LARP4: variants seen among roughly 807,000 people sequenced by gnomAD.
The protein encoded by LARP4 is La ribonucleoprotein 4.
LARP4 carries 29 observed loss-of-function variants against 92.9 expected under a neutral mutation model. The observed-to-expected ratio is 0.31, with a 90% confidence interval of 0.23 to 0.43. The LOEUF is 0.43. Ranked by LOEUF, LARP4 falls within the 20% of genes least tolerant of loss-of-function variation. The probability of loss-of-function intolerance (pLI) is 1.00; values close to 1 mark genes in which losing one functional copy is unlikely to be tolerated. For missense variants in LARP4, 732 were observed against 860.0 expected (o/e 0.85, Z 1.86); for synonymous variants, 279 against 284.1 (o/e 0.98, Z 0.18).
chr12:50,420,284 C>T (rs186787827), intron 1 of LARP4, among the ~76,000 whole-genome samples: 4 of 152,100 alleles, frequency 2.6e-5, no homozygotes, highest in East Asian at 3.9e-4. Context: ...ACTGGAAGAA[C>T]GATCGTAAGA....
chr12:50,426,676 A>G (rs927270498), intron 1 of LARP4, among the ~76,000 whole-genome samples: 3 of 110,044 alleles, frequency 2.7e-5, no homozygotes, highest in Non-Finnish European at 3.7e-5. Flanking sequence ...ACAGGGCATT[A>G]TGTTTGGGGT....
chr12:50,447,265 G>A (rs1952359762), intron 8 of LARP4, among the ~76,000 whole-genome samples: 1 of 152,124 alleles, frequency 6.6e-6, no homozygotes, highest in African/African-American at 2.4e-5. Flanking sequence ...AAAAAAGCTG[G>A]TACCAAGCAT....
intron 1 of LARP4, among the ~76,000 whole-genome samples, chr12:50,415,222 A>G (rs1444732715): frequency 6.6e-6 from 1 of 152,170 alleles, no homozygotes; most frequent in Non-Finnish European, 1.5e-5. Context: ...TAAATGAATG[A>G]ATAAAATAAA....
intron 1 of LARP4, among the ~76,000 whole-genome samples, chr12:50,423,066 C>G (rs760859537): frequency 6.6e-6 from 1 of 151,892 alleles, no homozygotes; most frequent in African/African-American, 2.4e-5. Context: ...GTGATCCACC[C>G]GCCTCAGCCT....
chr12:50,439,479 T>C (rs1041523244), intron 6 of LARP4, among the ~76,000 whole-genome samples: 4 of 152,174 alleles, frequency 2.6e-5, no homozygotes, highest in African/African-American at 9.7e-5. Context: ...CATAGTTCAT[T>C]GCAGCCTCAA....
intron 13 of LARP4, among the ~76,000 whole-genome samples, chr12:50,472,798 C>A (rs1397764225): frequency 6.6e-6 from 1 of 151,980 alleles, no homozygotes; most frequent in African/African-American, 2.4e-5. Context: ...CAGTCATGAG[C>A]CCCTGCATCC....
chr12:50,405,167 G>A (rs1339591047), intron 1 of LARP4, among the ~76,000 whole-genome samples: 1 of 152,036 alleles, frequency 6.6e-6, no homozygotes, highest in Non-Finnish European at 1.5e-5. Flanking sequence ...CTAAAGTGCT[G>A]GGATTATAGG....
At chr12:50,431,945 C>G (rs190924073) in intron 4 of LARP4, among the ~76,000 whole-genome samples, 1 of 152,292 alleles carries the variant, frequency 6.6e-6, no homozygotes, top group Admixed American at 6.5e-5. Flanking sequence ...TCAAGACCAG[C>G]CTGGCCAATA....
chr12:50,433,339 CATGATCCATCACATCCTA>C, intron 4 of LARP4, among the ~76,000 whole-genome samples: 1 of 141,930 alleles, frequency 7.0e-6, no homozygotes, highest in South Asian at 2.2e-4. Flanking sequence ...TCCTACTTGT[CATGATCCATCACATCCTA>C]CTCAGGACTG....
At chr12:50,455,188 C>A (rs1373559430) in intron 10 of LARP4, among the ~76,000 whole-genome samples, 6 of 152,152 alleles carry the variant, frequency 3.9e-5, no homozygotes, top group African/African-American at 1.2e-4. Context: ...TAGACATCAA[C>A]AGATAATCTC....
intron 1 of LARP4, 131 bp from the exon 2 acceptor site, chr12:50,427,627 ATTAT>A (rs1452240941): frequency 4.7e-6 from 2 of 425,706 alleles, no homozygotes; most frequent in Non-Finnish European, 7.8e-6. Context: ...AAACTTTAAT[ATTAT>A]TTATTATTTG....
chr12:50,440,403 T>G (rs1593122751), intron 6 of LARP4, 36 bp from the exon 7 acceptor site: 5 of 1,473,278 alleles, frequency 3.4e-6, no homozygotes, highest in Non-Finnish European at 4.7e-6. Flanking sequence ...TATTGATGTA[T>G]TTTTTAGAGT....
chr12:50,434,847 A>G (rs1396523768), intron 4 of LARP4, among the ~76,000 whole-genome samples: 2 of 151,998 alleles, frequency 1.3e-5, no homozygotes, highest in African/African-American at 4.8e-5. Context: ...GATCGAGACC[A>G]TCCTGGCTAA....
intron 10 of LARP4, among the ~76,000 whole-genome samples, chr12:50,460,477 ATACCACTGCACATTTTAATTTTT>A (rs371223875): frequency 0.038 from 5,706 of 152,138 alleles, 141 homozygotes; most frequent in South Asian, 0.099. Flanking sequence ...TTATAGGTGC[ATACCACTGCACATTTTAATTTTT>A]TTTTGCAGTG....
intron 1 of LARP4, chr12:50,412,518 T>C (rs1946080184): frequency 3.3e-6 from 2 of 605,806 alleles, no homozygotes; most frequent in Non-Finnish European, 2.1e-6. Context: ...GGTGATTTTC[T>C]TCCTAACTCA....
At chr12:50,451,218 C>A (rs896597622) in intron 8 of LARP4, among the ~76,000 whole-genome samples, 2 of 152,164 alleles carry the variant, frequency 1.3e-5, no homozygotes, top group Non-Finnish European at 2.9e-5. Context: ...TTCCCCAGTC[C>A]CTGCCTCCCC....
At chr12:50,444,737 A>G (rs1565640191) in intron 8 of LARP4, among the ~76,000 whole-genome samples, 1 of 152,136 alleles carries the variant, frequency 6.6e-6, no homozygotes, top group East Asian at 1.9e-4. Context: ...TCATTTCCTA[A>G]TTTATTGATG....
At chr12:50,440,206 G>T (rs1407703428) in intron 6 of LARP4, among the ~76,000 whole-genome samples, 1 of 152,168 alleles carries the variant, frequency 6.6e-6, no homozygotes, top group Non-Finnish European at 1.5e-5. Flanking sequence ...GAGTGCTCAG[G>T]CGGAAGGATC....
At chr12:50,434,187 G>A (rs918971095) in intron 4 of LARP4, among the ~76,000 whole-genome samples, 1 of 152,052 alleles carries the variant, frequency 6.6e-6, no homozygotes, top group African/African-American at 2.4e-5. Flanking sequence ...AGGGTGATCA[G>A]AACAGTACTC....
Sources: allele counts gnomAD v4.1 joint callset (sites outside exome capture counted in the v4.1 genomes callset), GRCh38; gene constraint gnomAD v4.1.1; transcripts MANE v1.5; gene names NCBI Gene and HGNC (gene_info 2026-07-23, HGNC 2026-07-21).